The following EPC1 variants were observed in gnomAD, a reference collection of about 807,000 sequenced individuals.
EPC1 encodes the protein enhancer of polycomb homolog 1.
In EPC1, 12 loss-of-function variants were observed where a neutral mutation model predicts 98.4. The observed-to-expected ratio is 0.12, with a 90% CI of 0.08 to 0.20. The LOEUF is 0.20. Ranked by LOEUF, EPC1 falls within the 10% of genes least tolerant of loss-of-function variation. The probability of loss-of-function intolerance (pLI) is 1.00; values close to 1 mark genes in which losing one functional copy is unlikely to be tolerated. For synonymous variants in EPC1, 357 were observed against 363.9 expected (o/e 0.98, Z 0.21); for missense variants, 729 against 990.5 (o/e 0.74, Z 3.54).
chr10:32,285,603 G>C (rs1249484949), intron 9 of EPC1: 1 of 152,368 alleles, frequency 6.6e-6, no homozygotes, highest in Non-Finnish European at 1.5e-5. Flanking sequence ...TCAGCCTCCC[G>C]AGTAGCTGAG....
At chr10:32,329,395 G>C (rs1271268720) in intron 1 of EPC1, among the ~76,000 whole-genome samples, 1 of 152,166 alleles carries the variant, frequency 6.6e-6, no homozygotes, top group Non-Finnish European at 1.5e-5. Flanking sequence ...CTAAGATTTT[G>C]GGATTGTTAT....
At chr10:32,325,478 G>A (rs941993121) in intron 1 of EPC1, among the ~76,000 whole-genome samples, 8 of 152,142 alleles carry the variant, frequency 5.3e-5, no homozygotes, top group Non-Finnish European at 1.2e-4. Context: ...AGGGGCTAAT[G>A]GTTGCAAAAC....
At chr10:32,377,674 A>T (rs1839897015) in intron 1 of EPC1, among the ~76,000 whole-genome samples, 1 of 152,176 alleles carries the variant, frequency 6.6e-6, no homozygotes, top group Non-Finnish European at 1.5e-5. Context: ...AAGAGAATAG[A>T]TCAAATCTTG....
At chr10:32,288,071 G>A (rs561879751) in intron 6 of EPC1, among the ~76,000 whole-genome samples, 3 of 152,198 alleles carry the variant, frequency 2.0e-5, no homozygotes, top group East Asian at 1.9e-4. Context: ...CAAATACCAC[G>A]GTTATGTAAA....
chr10:32,372,195 GC>G (rs1350825549), intron 1 of EPC1, among the ~76,000 whole-genome samples: 1 of 152,060 alleles, frequency 6.6e-6, no homozygotes, highest in African/African-American at 2.4e-5. Context: ...CCCACCACAG[GC>G]CAGCTGAACC....
At chr10:32,348,248 T>TA (rs1049566131), upstream of EPC1, among the ~76,000 whole-genome samples, 8 of 152,124 alleles carry the variant, frequency 5.3e-5, no homozygotes, top group Non-Finnish European at 1.0e-4. Flanking sequence ...TGAAAATGGG[T>TA]ATCCTGAGAT....
chr10:32,288,065 T>C (rs1836787274), intron 6 of EPC1, among the ~76,000 whole-genome samples: 1 of 152,148 alleles, frequency 6.6e-6, no homozygotes, highest in Non-Finnish European at 1.5e-5. Context: ...TCACGGCAAA[T>C]ACCACGGTTA....
At chr10:32,374,060 C>A (rs1230274111) in intron 1 of EPC1, among the ~76,000 whole-genome samples, 3 of 152,132 alleles carry the variant, frequency 2.0e-5, no homozygotes, top group Non-Finnish European at 4.4e-5. Flanking sequence ...TCCTTCTCCT[C>A]CAATTCATCT....
intron 1 of EPC1, chr10:32,345,305 T>G (rs1838691753): frequency 1.0e-6 from 1 of 985,434 alleles, no homozygotes; most frequent in South Asian, 4.7e-5. Context: ...AAAGTTAGAT[T>G]TAAGACACTA....
intron 13 of EPC1, 107 bp downstream of exon 13, chr10:32,271,447 A>T: frequency 7.9e-7 from 1 of 1,267,604 alleles, no homozygotes; most frequent in South Asian, 1.5e-5. Context: ...TTTTCAATGT[A>T]TAAAAGGAAA....
chr10:32,346,572 G>A (rs966640990), intron 1 of EPC1, 191 bp downstream of exon 1: 4 of 613,578 alleles, frequency 6.5e-6, no homozygotes, highest in African/African-American at 3.7e-5. Flanking sequence ...GGCCTTAGAA[G>A]GGGCCCCGCT....
intron 1 of EPC1, among the ~76,000 whole-genome samples, chr10:32,324,217 G>A (rs1199250782): frequency 1.3e-5 from 2 of 151,812 alleles, no homozygotes; most frequent in South Asian, 2.1e-4. Flanking sequence ...GATTACAGGC[G>A]TGAGCCACTG....
At chr10:32,326,445 A>C (rs1196928901) in intron 1 of EPC1, among the ~76,000 whole-genome samples, 1 of 152,208 alleles carries the variant, frequency 6.6e-6, no homozygotes, top group Non-Finnish European at 1.5e-5. Flanking sequence ...ACAATGATCC[A>C]AAATGTGACA....
At chr10:32,278,271 C>T (rs955874629) in intron 10 of EPC1, among the ~76,000 whole-genome samples, 1 of 150,666 alleles carries the variant, frequency 6.6e-6, no homozygotes, top group African/African-American at 2.4e-5. Context: ...TGAACTCCTG[C>T]CCTCAAGTGA....
chr10:32,344,327 C>T (rs1342181611), intron 1 of EPC1, among the ~76,000 whole-genome samples: 1 of 152,096 alleles, frequency 6.6e-6, no homozygotes, highest in African/African-American at 2.4e-5. Context: ...AGTGTCTATT[C>T]TTGAGGTCTA....
At chr10:32,326,837 C>G (rs75351167) in intron 1 of EPC1, among the ~76,000 whole-genome samples, 59 of 151,772 alleles carry the variant, frequency 3.9e-4, no homozygotes, top group African/African-American at 1.4e-3. Context: ...CAAATCGACA[C>G]CACAATAAAA....
At chr10:32,289,681 T>G (rs1034392234) in intron 6 of EPC1, among the ~76,000 whole-genome samples, 3 of 151,858 alleles carry the variant, frequency 2.0e-5, no homozygotes, top group African/African-American at 7.3e-5. Context: ...TGGAGTGCAG[T>G]GGCGCGATCT....
At chr10:32,368,747 C>T (rs1018487314) in intron 1 of EPC1, among the ~76,000 whole-genome samples, 13 of 152,078 alleles carry the variant, frequency 8.5e-5, no homozygotes, top group Non-Finnish European at 1.8e-4. Context: ...TTTAAATTCG[C>T]GTCGCACTGT....
At chr10:32,351,615 A>C (rs1362629356), upstream of EPC1, among the ~76,000 whole-genome samples, 1 of 151,174 alleles carries the variant, frequency 6.6e-6, no homozygotes, top group Non-Finnish European at 1.5e-5. Flanking sequence ...CCGAGATTGC[A>C]CCATTGCACT....
Sources: allele counts gnomAD v4.1 joint callset (sites outside exome capture counted in the v4.1 genomes callset), GRCh38; gene constraint gnomAD v4.1.1; transcripts MANE v1.5; gene names NCBI Gene and HGNC (gene_info 2026-07-23, HGNC 2026-07-21).